FNDC3B: variants seen among roughly 807,000 people sequenced by gnomAD.
The protein encoded by FNDC3B is fibronectin type III domain-containing protein 3B.
Under a neutral mutation model 151.5 loss-of-function variants are expected in FNDC3B, and 12 were observed. That is an observed-to-expected ratio of 0.08 (90% CI 0.05 to 0.13). The LOEUF (loss-of-function observed/expected upper bound fraction) is 0.13, where lower values mean the gene tolerates loss of function less well. Among genes scored for constraint, FNDC3B ranks in the 10% least tolerant of loss-of-function variants. The probability of loss-of-function intolerance (pLI) is 1.00; values close to 1 mark genes in which losing one functional copy is unlikely to be tolerated. For synonymous variants in FNDC3B, 528 were observed against 549.0 expected (o/e 0.96, Z 0.54); for missense variants, 1,214 against 1,505.3 (o/e 0.81, Z 3.20).
chr3:172,167,973 T>C (rs563437322), intron 3 of FNDC3B, among the ~76,000 whole-genome samples: 1 of 152,324 alleles, frequency 6.6e-6, no homozygotes, highest in East Asian at 1.9e-4. Flanking sequence ...TGTGAGATCA[T>C]TTCGAGTTAC....
At chr3:172,167,891 G>A (rs73023550) in intron 3 of FNDC3B, among the ~76,000 whole-genome samples, 6,059 of 152,240 alleles carry the variant, frequency 0.04, 241 homozygotes, top group African/African-American at 0.1. Flanking sequence ...CCCTGCCACC[G>A]CATCACATCC....
chr3:172,092,924 G>A (rs570841485), intron 1 of FNDC3B, among the ~76,000 whole-genome samples: 1 of 152,294 alleles, frequency 6.6e-6, no homozygotes, highest in South Asian at 2.1e-4. Flanking sequence ...TCCCACCTCA[G>A]TCTCCTGAGT....
chr3:172,344,335 A>T, intron 19 of FNDC3B, 77 bp downstream of exon 19: 7 of 1,372,510 alleles, frequency 5.1e-6, no homozygotes, highest in Non-Finnish European at 6.9e-6. Context: ...TTCTGTCTCT[A>T]GCCTCCTGAA....
At chr3:172,135,109 C>T (rs1721297061) in intron 3 of FNDC3B, among the ~76,000 whole-genome samples, 1 of 152,050 alleles carries the variant, frequency 6.6e-6, no homozygotes, top group Admixed American at 6.6e-5. Flanking sequence ...CATTGGCACC[C>T]CATTAATTGG....
intron 1 of FNDC3B, among the ~76,000 whole-genome samples, chr3:172,060,066 G>A (rs1018328958): frequency 2.6e-4 from 39 of 152,278 alleles, no homozygotes; most frequent in Middle Eastern, 3.4e-3. Flanking sequence ...GAGGTCTTCG[G>A]ACTCAATTGA....
At chr3:172,055,584 AT>A (rs968837535) in intron 1 of FNDC3B, among the ~76,000 whole-genome samples, 65 of 152,268 alleles carry the variant, frequency 4.3e-4, no homozygotes, top group African/African-American at 1.5e-3. Context: ...ATTCAAATAA[AT>A]GTCTCTAATA....
At chr3:172,341,521 G>T (rs192454134) in intron 17 of FNDC3B, among the ~76,000 whole-genome samples, 1 of 150,612 alleles carries the variant, frequency 6.6e-6, no homozygotes, top group South Asian at 2.1e-4. Flanking sequence ...TCTGGAATTT[G>T]CATTGACTAA....
At chr3:172,284,308 A>G (rs2108822927) in intron 6 of FNDC3B, among the ~76,000 whole-genome samples, 1 of 152,272 alleles carries the variant, frequency 6.6e-6, no homozygotes, top group South Asian at 2.1e-4. Context: ...TATGCAAGAG[A>G]CCTATGTGTG....
chr3:172,289,391 A>C (rs1730200498), intron 7 of FNDC3B, among the ~76,000 whole-genome samples: 1 of 147,548 alleles, frequency 6.8e-6, no homozygotes, highest in African/African-American at 2.6e-5. Flanking sequence ...TAACTTGGTC[A>C]CACCTTCAAA....
intron 1 of FNDC3B, among the ~76,000 whole-genome samples, chr3:172,112,093 G>A (rs1386999559): frequency 1.3e-5 from 2 of 152,164 alleles, no homozygotes; most frequent in Non-Finnish European, 2.9e-5. Context: ...GATGAAAGTA[G>A]GCTTTGTGTT....
chr3:172,295,786 G>A (rs1318159506), intron 8 of FNDC3B, among the ~76,000 whole-genome samples: 3 of 152,216 alleles, frequency 2.0e-5, no homozygotes, highest in Non-Finnish European at 4.4e-5. Flanking sequence ...TTCTGTTAAT[G>A]TCTGTCGGCA....
chr3:172,381,230 A>T, intron 25 of FNDC3B, 137 bp downstream of exon 25: 2 of 919,600 alleles, frequency 2.2e-6, no homozygotes, highest in Non-Finnish European at 3.2e-6. Context: ...TACTTATTGT[A>T]TAATTCTTCA....
At chr3:172,396,158 A>G (rs753554922) in intron 25 of FNDC3B, among the ~76,000 whole-genome samples, 1 of 152,240 alleles carries the variant, frequency 6.6e-6, no homozygotes, top group Non-Finnish European at 1.5e-5. Flanking sequence ...ATGTCCATCG[A>G]AAAGAAAATG....
At chr3:172,049,342 A>G (rs918040009) in intron 1 of FNDC3B, among the ~76,000 whole-genome samples, 50 of 152,122 alleles carry the variant, frequency 3.3e-4, no homozygotes, top group African/African-American at 1.1e-3. Context: ...AAATGTTTAA[A>G]AGTAGATCTC....
At chr3:172,093,501 G>T (rs948066009) in intron 1 of FNDC3B, among the ~76,000 whole-genome samples, 2 of 151,288 alleles carry the variant, frequency 1.3e-5, no homozygotes, top group Non-Finnish European at 3.0e-5. Context: ...CTCGTGATCC[G>T]CCCGCCTTGG....
At chr3:172,072,883 G>A (rs541295250) in intron 1 of FNDC3B, among the ~76,000 whole-genome samples, 7 of 152,314 alleles carry the variant, frequency 4.6e-5, no homozygotes, top group African/African-American at 1.7e-4. Flanking sequence ...TGACACTGAT[G>A]CCTCTTATGA....
At chr3:172,224,588 T>C (rs1726454423) in intron 3 of FNDC3B, among the ~76,000 whole-genome samples, 1 of 152,190 alleles carries the variant, frequency 6.6e-6, no homozygotes. Flanking sequence ...AGTGTCCCTG[T>C]CCCTTTCCCC....
intron 10 of FNDC3B, among the ~76,000 whole-genome samples, chr3:172,310,184 C>T (rs1239767594): frequency 6.6e-6 from 1 of 152,160 alleles, no homozygotes; most frequent in African/African-American, 2.4e-5. Flanking sequence ...TCTTTACTTC[C>T]CTTCCCATTG....
chr3:172,369,837 A>G (rs1734797772), intron 23 of FNDC3B, among the ~76,000 whole-genome samples: 1 of 152,146 alleles, frequency 6.6e-6, no homozygotes, highest in African/African-American at 2.4e-5. Context: ...GGCGAATACT[A>G]TCCATTTCTA....
Sources: gnomAD v4.1 joint callset for allele counts (sites outside exome capture counted in the v4.1 genomes callset) on GRCh38, gnomAD v4.1.1 for gene constraint, MANE v1.5 for transcripts, NCBI Gene and HGNC (gene_info 2026-07-23, HGNC 2026-07-21) for gene names.